The following ELP6 variants were observed in gnomAD, a reference collection of about 807,000 sequenced individuals.
ELP6 encodes the protein elongator complex protein 6.
In ELP6, 23 loss-of-function variants were observed where a neutral mutation model predicts 28.1. That is an observed-to-expected ratio of 0.82 (90% CI 0.59 to 1.16). The LOEUF (loss-of-function observed/expected upper bound fraction) is 1.16, where lower values mean the gene tolerates loss of function less well. Among genes scored for constraint, ELP6 ranks in the 50% most tolerant of loss-of-function variants. The probability of loss-of-function intolerance (pLI) is 0.00; values close to 1 mark genes in which losing one functional copy is unlikely to be tolerated. For synonymous variants in ELP6, 132 were observed against 135.8 expected (o/e 0.97, Z 0.19); for missense variants, 313 against 334.6 (o/e 0.94, Z 0.50).
chr3:47,496,822 T>G, intron 6 of ELP6: 1 of 985,398 alleles, frequency 1.0e-6, no homozygotes. Context: ...AGCATGGTTT[T>G]GTACTTGCGG....
At chr3:47,503,189 G>T (rs530337235) in intron 4 of ELP6, 19 of 1,163,428 alleles carry the variant, frequency 1.6e-5, no homozygotes, top group African/African-American at 3.2e-5. Flanking sequence ...AGATGCTAAG[G>T]GATGTGTGTG....
At chr3:47,500,227 AAG>A in intron 5 of ELP6, 3 of 1,079,454 alleles carry the variant, frequency 2.8e-6, no homozygotes. Flanking sequence ...AAATGAAAAA[AAG>A]AAGTAGCGAA....
At chr3:47,508,240 T>A (rs1708904219) in intron 3 of ELP6, among the ~76,000 whole-genome samples, 1 of 152,338 alleles carries the variant, frequency 6.6e-6, no homozygotes, top group South Asian at 2.1e-4. Context: ...TTTATTTTTA[T>A]GTATGTATGT....
rs750598069 is a variant in ELP6, at chr3:47,510,144, C to T, written c.204+40G>A. ...CTTTAGACCATGTGTGACACACACACTCACTCAGGGACCTCATCATGGAGC... is the reference window on the plus strand; with the variant it reads ...CTTTAGACCATGTGTGACACACACATTCACTCAGGGACCTCATCATGGAGC... On this transcript the variant is annotated intron_variant, in intron 3 of 6. Transcript: ENST00000296149. The T allele has an allele frequency of 2.0e-6, 3 of 1,467,862 alleles. No homozygotes were observed. The Admixed American group carries it at 5.0e-5, about 25-fold the overall frequency. The allele number at this position is 1,467,862 out of a possible 1,614,324, so 90.9% of individuals were successfully genotyped here. A position where few individuals can be genotyped will look rare whatever the true frequency, so the allele number is the denominator to read the frequency against.
intron 3 of ELP6, among the ~76,000 whole-genome samples, chr3:47,506,957 C>T (rs1219524924): frequency 6.6e-6 from 1 of 152,006 alleles, no homozygotes; most frequent in Non-Finnish European, 1.5e-5. Context: ...CCTCGGCCTC[C>T]AAAAGTGCTG....
At chr3:47,499,630 G>T in intron 5 of ELP6, 1 of 495,554 alleles carries the variant, frequency 2.0e-6, no homozygotes, top group Non-Finnish European at 2.6e-6. Context: ...GTTGCAGTGA[G>T]CCAAGGTCAC....
chr3:47,511,964 A>C lies in ELP6; in HGVS notation c.55-738T>G, dbSNP rs375071647. 2.0e-5 allele frequency: 20 copies of C among 983,640 alleles called. No individual in the cohort carries two copies. The East Asian group carries it at 4.5e-4, about 22-fold the overall frequency. 60.9% of individuals were successfully genotyped at this position (983,640 alleles called of 1,614,324 possible). On this transcript the variant is annotated intron_variant, in intron 1 of 6. Coordinates refer to ENST00000296149, the MANE Select transcript of ELP6 (RefSeq NM_001031703.3). The stretch of plus-strand genomic sequence containing the variant: ...TTTCACTTACAAAATGTGAAAGATC[A>C]CATCGTCAGACCTTCAGTGTTACCC...
Position 47,498,117 on chromosome 3 carries a change from C to T in ELP6, c.672+169G>A, listed in dbSNP as rs1034044128. 41 of 1,357,826 alleles carry T rather than the reference C, an allele frequency of 3.0e-5. No homozygotes were observed. The South Asian group carries it at 3.5e-4, about 12-fold the overall frequency. The allele number at this position is 1,357,826 out of a possible 1,614,324, so 84.1% of individuals were successfully genotyped here. On this transcript the variant is annotated intron_variant, in intron 6 of 6. Coordinates refer to ENST00000296149, the MANE Select transcript of ELP6 (RefSeq NM_001031703.3). ...ACGTGGGCTGGTCCATGAGGCTAAGCGCAATCTGGAGCAGGTCTATTACCT... is the reference window on the plus strand; with the variant it reads ...ACGTGGGCTGGTCCATGAGGCTAAGTGCAATCTGGAGCAGGTCTATTACCT...
At chr3:47,508,227 TTTTTTA>T (rs1312801547) in intron 3 of ELP6, among the ~76,000 whole-genome samples, 2 of 152,208 alleles carry the variant, frequency 1.3e-5, no homozygotes, top group Non-Finnish European at 2.9e-5. Context: ...TTTTATTTTA[TTTTTTA>T]TTTTTATGTA....
At chr3:47,513,003 T>C in intron 1 of ELP6, 1 of 985,400 alleles carries the variant, frequency 1.0e-6, no homozygotes, top group Non-Finnish European at 1.2e-6. Context: ...TTTTTTTTTT[T>C]TTTTTGAGGT....
chr3:47,507,630 C>CAA (rs915946145), intron 3 of ELP6, among the ~76,000 whole-genome samples: 8 of 88,338 alleles, frequency 9.1e-5, no homozygotes, highest in South Asian at 3.6e-4. Flanking sequence ...ACCCATTCTC[C>CAA]AAAAAAAAAA....
At chr3:47,509,091 T>G (rs1259909571) in intron 3 of ELP6, among the ~76,000 whole-genome samples, 1 of 151,816 alleles carries the variant, frequency 6.6e-6, no homozygotes, top group Non-Finnish European at 1.5e-5. Flanking sequence ...ATTGAAACGC[T>G]GTGTCACTCT....
intron 1 of ELP6, chr3:47,512,944 G>T (rs2029905171): frequency 1.0e-6 from 1 of 984,984 alleles, no homozygotes; most frequent in Non-Finnish European, 1.2e-6. Flanking sequence ...CACAGTTCAC[G>T]TCCGCGAATA....
rs1708531463 is a variant in ELP6 at position 47,498,122 on chromosome 3, T to A, written c.672+164A>T. On this transcript the variant is annotated intron_variant, in intron 6 of 6. Transcript: ENST00000296149. ...GGCTGGTCCATGAGGCTAAGCGCAATCTGGAGCAGGTCTATTACCTGAAGT... is the reference window on the plus strand; with the variant it reads ...GGCTGGTCCATGAGGCTAAGCGCAAACTGGAGCAGGTCTATTACCTGAAGT... 2.2e-6 allele frequency: 3 copies of A among 1,362,236 alleles called. No homozygotes were observed. The South Asian group carries it at 4.2e-5, about 19-fold the overall frequency. The allele number at this position is 1,362,236 out of a possible 1,614,324, so 84.4% of individuals were successfully genotyped here. A position where few individuals can be genotyped will look rare whatever the true frequency, so the allele number is the denominator to read the frequency against.
At chr3:47,513,386 TC>T (rs1045177441) in intron 1 of ELP6, 150 bp downstream of exon 1, 2 of 1,429,568 alleles carry the variant, frequency 1.4e-6, no homozygotes, top group Non-Finnish European at 1.8e-6. Context: ...TCCAGTCCAA[TC>T]CCCGGGTCGA....
At chr3:47,500,417 A>C in intron 5 of ELP6, 1 of 184,606 alleles carries the variant, frequency 5.4e-6, no homozygotes, top group Non-Finnish European at 1.0e-5. Context: ...AAAAACAAAT[A>C]TGTGCATAAT....
intron 5 of ELP6, among the ~76,000 whole-genome samples, chr3:47,500,695 T>A (rs180671328): frequency 1.3e-5 from 2 of 152,234 alleles, no homozygotes; most frequent in African/African-American, 4.8e-5. Flanking sequence ...TTCCTCCTCC[T>A]CCCATTCTTT....
At chr3:47,499,009 G>A (rs1365380378) in intron 5 of ELP6, among the ~76,000 whole-genome samples, 1 of 152,200 alleles carries the variant, frequency 6.6e-6, no homozygotes, top group Non-Finnish European at 1.5e-5. Flanking sequence ...CAAAATGGAG[G>A]GGAAGGTCAA....
At chr3:47,510,073 G>A in intron 3 of ELP6, 111 bp downstream of exon 3, 1 of 876,162 alleles carries the variant, frequency 1.1e-6, no homozygotes, top group Non-Finnish European at 1.8e-6. Context: ...TATTTCTTTA[G>A]TCCCTCTTTT....
Sources: gnomAD v4.1 joint callset for allele counts (sites outside exome capture counted in the v4.1 genomes callset) on GRCh38, gnomAD v4.1.1 for gene constraint, MANE v1.5 for transcripts, NCBI Gene and HGNC (gene_info 2026-07-23, HGNC 2026-07-21) for gene names.